The following SGCD variants were observed in gnomAD, a reference collection of about 807,000 sequenced individuals.
The protein encoded by SGCD is delta-sarcoglycan.
Under a neutral mutation model 36.6 loss-of-function variants are expected in SGCD, and 18 were observed. The observed-to-expected ratio is 0.49, with a 90% CI of 0.34 to 0.73. SGCD has a LOEUF of 0.73. Ranked by LOEUF, SGCD falls within the 30% of genes least tolerant of loss-of-function variation. SGCD has a pLI of 0.01. For synonymous variants in SGCD, 133 were observed against 130.6 expected, an observed-to-expected ratio of 1.02 and a Z score of -0.12; for missense variants, 387 against 346.7, an observed-to-expected ratio of 1.12 and a Z score of -0.92.
intron 3 of SGCD, among the ~76,000 whole-genome samples, chr5:156,463,331 C>T (rs1012017940): frequency 6.6e-6 from 1 of 152,102 alleles, no homozygotes; most frequent in African/African-American, 2.4e-5. Context: ...CATGAGCCAC[C>T]GTGCCCAGCC....
At chr5:156,412,625 G>A (rs1021140749) in intron 3 of SGCD, among the ~76,000 whole-genome samples, 2 of 152,196 alleles carry the variant, frequency 1.3e-5, no homozygotes, top group Non-Finnish European at 1.5e-5. Context: ...GTACTCAAAT[G>A]TGGAGAGGCT....
At chr5:156,758,360 A>G (rs1757414726) in intron 8 of SGCD, among the ~76,000 whole-genome samples, 1 of 150,926 alleles carries the variant, frequency 6.6e-6, no homozygotes. Context: ...GAACTTTGCT[A>G]TTTAATCATA....
At chr5:155,845,847 T>G in the SGCD span, among the ~76,000 whole-genome samples, 2 of 152,216 alleles carry the variant, frequency 1.3e-5, no homozygotes, top group Non-Finnish European at 2.9e-5. Context: ...CAGGACAGAA[T>G]GCTATCTGAA....
chr5:155,942,953 T>C (rs532838031), intron 1 of SGCD, among the ~76,000 whole-genome samples: 1 of 152,320 alleles, frequency 6.6e-6, no homozygotes, highest in South Asian at 2.1e-4. Context: ...GAACATTCCA[T>C]AATGCCTCCT....
intron 3 of SGCD, among the ~76,000 whole-genome samples, chr5:156,291,073 C>A (rs1766745840): frequency 6.6e-6 from 1 of 152,134 alleles, no homozygotes; most frequent in African/African-American, 2.4e-5. Flanking sequence ...GGACAGGCAA[C>A]TCTACATGAC....
chr5:155,782,217 G>A, the SGCD span, among the ~76,000 whole-genome samples: 26 of 151,896 alleles, frequency 1.7e-4, no homozygotes, highest in African/African-American at 3.9e-4. Flanking sequence ...TAGAGACAGC[G>A]TTTTGTCATG....
the SGCD span, among the ~76,000 whole-genome samples, chr5:155,743,946 G>A: frequency 6.6e-6 from 1 of 152,126 alleles, no homozygotes; most frequent in African/African-American, 2.4e-5. Context: ...AGTGTCCCTT[G>A]GTTGGTAGCT....
chr5:156,165,935 C>A (rs555547730), intron 3 of SGCD, among the ~76,000 whole-genome samples: 3 of 152,280 alleles, frequency 2.0e-5, no homozygotes, highest in East Asian at 3.9e-4. Flanking sequence ...TAGGAAATAG[C>A]AAAAAGTTTT....
At chr5:156,055,126 C>T (rs1760026869) in intron 1 of SGCD, among the ~76,000 whole-genome samples, 1 of 142,098 alleles carries the variant, frequency 7.0e-6, no homozygotes, top group South Asian at 2.2e-4. Flanking sequence ...TTGCCTATAG[C>T]AGTGCCAGCT....
chr5:156,268,571 C>T (rs1405968506), intron 3 of SGCD, among the ~76,000 whole-genome samples: 1 of 93,558 alleles, frequency 1.1e-5, no homozygotes, highest in Non-Finnish European at 2.7e-5. Context: ...TTGCTCCTTC[C>T]TTCCTTCCTT....
intron 4 of SGCD, among the ~76,000 whole-genome samples, chr5:156,548,994 C>T (rs1758689003): frequency 6.6e-6 from 1 of 152,086 alleles, no homozygotes. Context: ...ACCTAGAATA[C>T]TTGCCAGTTC....
At chr5:155,755,441 T>C in the SGCD span, among the ~76,000 whole-genome samples, 5 of 152,198 alleles carry the variant, frequency 3.3e-5, no homozygotes, top group East Asian at 3.8e-4. Context: ...ATAAAACAAT[T>C]TGTCTTGGAG....
intron 1 of SGCD, among the ~76,000 whole-genome samples, chr5:156,080,116 C>G (rs1760912215): frequency 1.3e-5 from 2 of 152,230 alleles, no homozygotes; most frequent in Admixed American, 6.5e-5. Context: ...GCCACCAAGG[C>G]TTACAGCTTG....
intron 4 of SGCD, among the ~76,000 whole-genome samples, chr5:156,511,547 A>G (rs1756928170): frequency 6.6e-6 from 1 of 152,186 alleles, no homozygotes; most frequent in South Asian, 2.1e-4. Flanking sequence ...GTCCTGTAAA[A>G]TGCATTATTA....
intron 1 of SGCD, among the ~76,000 whole-genome samples, chr5:156,094,013 C>T (rs138745195): frequency 6.6e-6 from 1 of 152,300 alleles, no homozygotes; most frequent in Non-Finnish European, 1.5e-5. Context: ...TGGTATTGCT[C>T]TGTGCAAATC....
chr5:156,295,752 C>T (rs1388865695), intron 3 of SGCD, among the ~76,000 whole-genome samples: 1 of 152,156 alleles, frequency 6.6e-6, no homozygotes, highest in Non-Finnish European at 1.5e-5. Context: ...TACTGGCAAA[C>T]CCAATATTAG....
At chr5:156,053,232 C>A (rs994326915) in intron 1 of SGCD, among the ~76,000 whole-genome samples, 3 of 146,266 alleles carry the variant, frequency 2.1e-5, no homozygotes, top group Non-Finnish European at 4.6e-5. Flanking sequence ...CTCCCCTTGC[C>A]CAGGCTGCTG....
intron 7 of SGCD, among the ~76,000 whole-genome samples, chr5:156,731,253 T>C (rs1756046122): frequency 6.6e-6 from 1 of 152,210 alleles, no homozygotes; most frequent in African/African-American, 2.4e-5. Context: ...GCAGAAGCTC[T>C]TTAATTAGAT....
chr5:156,363,589 A>C (rs1165974088), intron 3 of SGCD, among the ~76,000 whole-genome samples: 2 of 152,116 alleles, frequency 1.3e-5, no homozygotes, highest in Non-Finnish European at 2.9e-5. Context: ...TGTTTCCAGG[A>C]TTTCTCTTCC....
Sources: allele counts gnomAD v4.1 joint callset (sites outside exome capture counted in the v4.1 genomes callset), GRCh38; gene constraint gnomAD v4.1.1; transcripts MANE v1.5; gene names NCBI Gene and HGNC (gene_info 2026-07-23, HGNC 2026-07-21).